The following PLCB1 variants were observed in gnomAD, a reference collection of about 807,000 sequenced individuals.
PLCB1 encodes the protein 1-phosphatidylinositol 4,5-bisphosphate phosphodiesterase beta-1.
In PLCB1, 46 loss-of-function variants were observed where a neutral mutation model predicts 161.8. That is an observed-to-expected ratio of 0.28 (90% CI 0.22 to 0.36). PLCB1 has a LOEUF of 0.36. Ranked by LOEUF, PLCB1 falls within the 10% of genes least tolerant of loss-of-function variation. The pLI is 1.00. For synonymous variants in PLCB1, 517 were observed against 503.7 expected, an observed-to-expected ratio of 1.03 and a Z score of -0.35; for missense variants, 1,016 against 1,472.5, an observed-to-expected ratio of 0.69 and a Z score of 5.07.
intron 31 of PLCB1, among the ~76,000 whole-genome samples, chr20:8,816,999 A>G (rs970178142): frequency 2.0e-5 from 3 of 152,210 alleles, no homozygotes; most frequent in Non-Finnish European, 4.4e-5. Flanking sequence ...TCTTGATATC[A>G]TCACATTTCT....
chr20:8,732,015 C>T (rs1305419784), intron 18 of PLCB1: 1 of 151,962 alleles, frequency 6.6e-6, no homozygotes, highest in Non-Finnish European at 1.5e-5. Flanking sequence ...GAACTGTTGA[C>T]AACTTCCCAG....
intron 11 of PLCB1, among the ~76,000 whole-genome samples, chr20:8,700,230 C>T (rs915978846): frequency 6.6e-6 from 1 of 152,202 alleles, no homozygotes; most frequent in African/African-American, 2.4e-5. Flanking sequence ...AAGACCTGCC[C>T]CACTCCCTCC....
chr20:8,744,171 A>G (rs893731347), intron 23 of PLCB1, among the ~76,000 whole-genome samples: 1 of 148,190 alleles, frequency 6.7e-6, no homozygotes, highest in Non-Finnish European at 1.5e-5. Context: ...AATAAAAGCT[A>G]AAAAAAAAAG....
chr20:8,222,351 T>C (rs1979455513), intron 2 of PLCB1, among the ~76,000 whole-genome samples: 1 of 152,190 alleles, frequency 6.6e-6, no homozygotes, highest in South Asian at 2.1e-4. Flanking sequence ...CTAAATGATA[T>C]TGTTTTCTAG....
rs74648918 is a variant in PLCB1, at chr20:8,487,876, G to A, written c.246+116426G>A. On this transcript the variant is annotated intron_variant, in intron 3 of 31. Transcript: ENST00000338037. ...TGGTGCACCCAGCCCTTGAGATGCC[G>A]AGTACATTATGTTGCATTCCTCCCA... is the stretch of plus-strand genomic sequence containing the variant. Among the ~76,000 whole-genome samples the A allele has an allele frequency of 7.6e-3, 1,164 of 152,192 alleles. 22 individuals carry two copies. The highest frequency in any genetic ancestry group is 0.027 in the African/African-American group (1,120 of 41,538).
intron 31 of PLCB1, among the ~76,000 whole-genome samples, chr20:8,870,521 T>A (rs1458838884): frequency 1.3e-5 from 2 of 152,158 alleles, no homozygotes; most frequent in African/African-American, 4.8e-5. Flanking sequence ...ATAGAGGAGT[T>A]CACACCTAAG....
intron 3 of PLCB1, among the ~76,000 whole-genome samples, chr20:8,444,085 A>G (rs1295932341): frequency 6.6e-6 from 1 of 151,982 alleles, no homozygotes; most frequent in Non-Finnish European, 1.5e-5. Flanking sequence ...ACATGTGCAC[A>G]ATGTGCAGGT....
intron 21 of PLCB1, among the ~76,000 whole-genome samples, 164 bp downstream of exon 21, chr20:8,739,524 G>T (rs1007874156): frequency 7.9e-5 from 12 of 152,228 alleles, no homozygotes; most frequent in African/African-American, 2.9e-4. Context: ...ACATGTTGTA[G>T]TATTAATGTT....
intron 2 of PLCB1, among the ~76,000 whole-genome samples, chr20:8,280,701 C>T (rs1982833627): frequency 1.3e-5 from 2 of 152,102 alleles, no homozygotes; most frequent in African/African-American, 4.8e-5. Context: ...CTTTGAAACC[C>T]TGTTTTTTGA....
chr20:8,248,253 C>T (rs1045121124), intron 2 of PLCB1, among the ~76,000 whole-genome samples: 6 of 151,910 alleles, frequency 3.9e-5, no homozygotes, highest in African/African-American at 1.4e-4. Flanking sequence ...CTTTTACATT[C>T]CTTCATCCAT....
At chr20:8,868,214 G>A (rs76259682) in intron 31 of PLCB1, among the ~76,000 whole-genome samples, 3 of 152,280 alleles carry the variant, frequency 2.0e-5, no homozygotes, top group Non-Finnish European at 4.4e-5. Flanking sequence ...TTCCTAAACT[G>A]AAGAATGACA....
chr20:8,821,428 A>C (rs1985355773), intron 31 of PLCB1, among the ~76,000 whole-genome samples: 1 of 142,326 alleles, frequency 7.0e-6, no homozygotes, highest in Non-Finnish European at 1.5e-5. Flanking sequence ...TGGCAAGCTG[A>C]GATCACGCCT....
At chr20:8,764,337 C>A (rs1325387966) in intron 25 of PLCB1, among the ~76,000 whole-genome samples, 2 of 152,032 alleles carry the variant, frequency 1.3e-5, no homozygotes, top group African/African-American at 2.4e-5. Context: ...TAAATGATAC[C>A]TTTTAGAAAT....
intron 3 of PLCB1, among the ~76,000 whole-genome samples, chr20:8,419,604 T>C (rs773214247): frequency 2.0e-5 from 3 of 152,192 alleles, no homozygotes; most frequent in Non-Finnish European, 4.4e-5. Flanking sequence ...TGTAGGCTAA[T>C]GTAAGTGTTC....
intron 23 of PLCB1, among the ~76,000 whole-genome samples, chr20:8,746,809 C>T (rs1981195553): frequency 6.6e-6 from 1 of 152,204 alleles, no homozygotes; most frequent in Non-Finnish European, 1.5e-5. Context: ...AAAACCCAGG[C>T]AATCTGGTTC....
At chr20:8,872,490 T>C (rs2146326364) in intron 31 of PLCB1, among the ~76,000 whole-genome samples, 1 of 152,290 alleles carries the variant, frequency 6.6e-6, no homozygotes, top group East Asian at 1.9e-4. Flanking sequence ...TGAACTTGAG[T>C]TCATGTTTTC....
intron 11 of PLCB1, among the ~76,000 whole-genome samples, chr20:8,706,668 T>A (rs1013399275): frequency 5.3e-5 from 8 of 152,284 alleles, no homozygotes; most frequent in African/African-American, 1.7e-4. Flanking sequence ...CTGGCTAAGA[T>A]TATTAGCTGC....
At chr20:8,330,957 C>T (rs190906227) in intron 2 of PLCB1, among the ~76,000 whole-genome samples, 17 of 152,148 alleles carry the variant, frequency 1.1e-4, no homozygotes, top group African/African-American at 1.7e-4. Context: ...ATGCACAAAG[C>T]GCTTCTGGTA....
intron 29 of PLCB1, 89 bp downstream of exon 29, chr20:8,788,811 A>G: frequency 1.1e-5 from 9 of 813,722 alleles, no homozygotes; most frequent in Non-Finnish European, 1.8e-5. Flanking sequence ...AACCAGTCAA[A>G]GACTCCTTCG....
Sources: gnomAD v4.1 joint callset for allele counts (sites outside exome capture counted in the v4.1 genomes callset) on GRCh38, gnomAD v4.1.1 for gene constraint, MANE v1.5 for transcripts, NCBI Gene and HGNC (gene_info 2026-07-23, HGNC 2026-07-21) for gene names.